SLC27A3: variants seen among roughly 807,000 people sequenced by gnomAD.
SLC27A3 encodes solute carrier family 27 member 3.
In SLC27A3, 60 loss-of-function variants were observed where a neutral mutation model predicts 60.1. The observed-to-expected ratio is 1.00, with a 90% confidence interval of 0.81 to 1.24. SLC27A3 has a LOEUF of 1.24. Ranked by LOEUF, SLC27A3 falls within the 50% of genes most tolerant of loss-of-function variation. The pLI is 0.00. For synonymous variants in SLC27A3, 455 were observed against 409.0 expected (o/e 1.11, Z -1.36); for missense variants, 1,079 against 929.9 (o/e 1.16, Z -2.09).
rs761040962 is a variant in SLC27A3, at chr1:153,778,894, C to G, written c.1646+9C>G. 2 of 1,613,160 alleles carry G rather than the reference C, an allele frequency of 1.2e-6. No homozygotes were observed. Among genetic ancestry groups the G allele is most frequent in the African/African-American group, 2.7e-5 (2 of 74,888 alleles). ...ACTGGAGACACCTTCAGGTATCTGT[C>G]CATAACTGGTTTTTCATCCTGGACA... On this transcript the variant is annotated intron_variant, in intron 7 of 9. Coordinates refer to ENST00000624995, the MANE Select transcript of SLC27A3 (RefSeq NM_024330.4).
intron 3 of SLC27A3, chr1:153,777,481 G>A (rs2101845943): frequency 1.6e-6 from 1 of 614,914 alleles, no homozygotes; most frequent in South Asian, 2.0e-5. Context: ...GAACAGGCAA[G>A]TAAGAGAAGA....
rs113951222 is a variant in SLC27A3 at position 153,779,557 on chromosome 1, G to C, written c.1875+84G>C. The C allele has an allele frequency of 1.6e-3, 2,428 of 1,480,572 alleles. 27 individuals are homozygous for C. The African/African-American group carries it at 0.023, about 14-fold the overall frequency. The allele number at this position is 1,480,572 out of a possible 1,614,324, so 91.7% of individuals were successfully genotyped here. A position where few individuals can be genotyped will look rare whatever the true frequency, so the allele number is the denominator to read the frequency against. ...ACCCCGTGTATCAACTTAGGAGTTT[G>C]ATGGCTCCCAAACTCCACAAAGGGA... On this transcript the variant is annotated intron_variant, in intron 9 of 9. Coordinates refer to ENST00000624995, the MANE Select transcript of SLC27A3 (RefSeq NM_024330.4).
chr1:153,779,498 C>T (rs372403946), intron 9 of SLC27A3, 25 bp downstream of exon 9: 85 of 1,604,698 alleles, frequency 5.3e-5, no homozygotes, highest in Non-Finnish European at 6.8e-5. Flanking sequence ...CCCCCGCCGG[C>T]CCCTCACCCC....
chr1:153,777,255 C>G (rs1673280191), intron 3 of SLC27A3, 35 bp downstream of exon 3: 1 of 1,611,018 alleles, frequency 6.2e-7, no homozygotes, highest in Admixed American at 1.7e-5. Context: ...ATTAATTCAT[C>G]CAGTAGACAT....
chr1:153,780,036 C>G lies in SLC27A3; in HGVS notation c.*34C>G. The G allele has an allele frequency of 6.3e-7, 1 of 1,582,442 alleles. No individual in the cohort carries two copies. The highest frequency in any genetic ancestry group is 2.3e-5 in the East Asian group (1 of 43,292). On this transcript the variant is annotated 3_prime_UTR_variant, in exon 10 of 10. Coordinates refer to ENST00000624995, the MANE Select transcript of SLC27A3 (RefSeq NM_024330.4). ...ACACCTGAGGCACCTGAGAGAGGAA[C>G]TCTGTGGGGTGGGGGCCGTTGCAGG...
In SLC27A3 at chr1:153,778,536, G is replaced by A. The variant is rs756909719; in HGVS notation, c.1430G>A (p.Cys477Tyr). The A allele has an allele frequency of 2.5e-6, 4 of 1,614,150 alleles. No homozygotes were observed. Among genetic ancestry groups the A allele is most frequent in the Non-Finnish European group, 2.5e-6 (3 of 1,179,996 alleles). Residue 477 changes from cysteine to tyrosine, a missense_variant, in exon 6 of 10, where the codon TGT becomes TAT. Coordinates refer to ENST00000624995, the MANE Select transcript of SLC27A3 (RefSeq NM_024330.4). ...CCAATTCGGGACCCCCAGGGGCACT[G>A]TATGGCCACATCTCCAGGTTGGTGG... is the stretch of plus-strand genomic sequence containing the variant. Reference protein sequence around the residue: ...GEPIRDPQGHCMATSPGEPGL... With the variant: ...GEPIRDPQGHYMATSPGEPGL...
At chr1:153,778,433 G>A in intron 5 of SLC27A3, 30 bp from the exon 6 acceptor site, 2 of 1,613,200 alleles carry the variant, frequency 1.2e-6, no homozygotes, top group East Asian at 2.2e-5. Context: ...TGACTGCAAT[G>A]ATCCAGTACC....
intron 4 of SLC27A3, 64 bp from the exon 5 acceptor site, chr1:153,778,097 G>C: frequency 6.5e-7 from 1 of 1,548,024 alleles, no homozygotes; most frequent in Non-Finnish European, 8.7e-7. Flanking sequence ...TGGGGAACAG[G>C]AATTCACTTC....
At position 153,778,567 on chromosome 1, in the gene SLC27A3, T is replaced by C. The variant is rs747395734; in HGVS notation, c.1447+14T>C. On this transcript the variant is annotated intron_variant, in intron 6 of 9. Transcript: ENST00000624995. ...CCACATCTCCAGGTTGGTGGTGTTC[T>C]GGTGGGGTGGGCGGGGTGCTGAAGC... The C allele has an allele frequency of 6.2e-7, 1 of 1,613,394 alleles. No homozygotes were observed. Among genetic ancestry groups the C allele is most frequent in the South Asian group, 1.1e-5 (1 of 91,068 alleles).
Position 153,780,095 on chromosome 1 carries a change from G to A in SLC27A3, c.*93G>A. ...GCTGTCAGGGATCTTTTCTATACCA[G>A]AACTGCGGTCACTATTTTGTAATAA... On this transcript the variant is annotated 3_prime_UTR_variant, in exon 10 of 10. Coordinates refer to ENST00000624995, the MANE Select transcript of SLC27A3 (RefSeq NM_024330.4). 11 of 1,115,884 alleles carry A rather than the reference G, an allele frequency of 9.9e-6. No individual in the cohort carries two copies. Among genetic ancestry groups the A allele is most frequent in the Non-Finnish European group, 1.3e-5 (10 of 785,960 alleles). The allele number at this position is 1,115,884 out of a possible 1,614,324, so 69.1% of individuals were successfully genotyped here.
Position 153,775,464 on chromosome 1 carries a change from G to A in SLC27A3, c.-34G>A, listed in dbSNP as rs1229494073. ...GATCAGGGATGTTTGCGAGCGGCTG[G>A]AACCAGACGGTGCCGATAGAGGAAG... On this transcript the variant is annotated 5_prime_UTR_variant, in exon 1 of 10. The change creates a premature stop within an existing upstream ORF in the 5' untranslated region. Coordinates refer to ENST00000624995, the MANE Select transcript of SLC27A3 (RefSeq NM_024330.4). 8.1e-6 allele frequency: 13 copies of A among 1,612,814 alleles called. No individual in the cohort carries two copies. The highest frequency in any genetic ancestry group is 1.7e-5 in the Admixed American group (1 of 60,016).
rs768550208 is a variant in SLC27A3, at chr1:153,778,812, A to C, written c.1573A>C (p.Asn525His). ...CTTCCGGCCTGGGGATGTTTTCTTCAACACTGGGGACCTGCTGGTCTGCGA... is the reference window on the plus strand; with the variant it reads ...CTTCCGGCCTGGGGATGTTTTCTTCCACACTGGGGACCTGCTGGTCTGCGA... Reference protein sequence around the residue: ...DVFRPGDVFFNTGDLLVCDDQ... With the variant: ...DVFRPGDVFFHTGDLLVCDDQ... The change falls in exon 7 of 10, where the codon AAC becomes CAC. Residue 525 changes from asparagine to histidine, a missense_variant. Transcript: ENST00000624995. 8.7e-6 allele frequency: 14 copies of C among 1,614,128 alleles called. No individual in the cohort carries two copies. The African/African-American group carries it at 1.7e-4, about 20-fold the overall frequency.
In SLC27A3 at chr1:153,775,951, G is replaced by A. The variant is rs1321808745; in HGVS notation, c.454G>A (p.Asp152Asn). 1 of 1,447,710 alleles carries A rather than the reference G, an allele frequency of 6.9e-7. No homozygotes were observed. The highest frequency in any genetic ancestry group is 2.7e-5 in the East Asian group (1 of 37,324). The allele number at this position is 1,447,710 out of a possible 1,614,324, so 89.7% of individuals were successfully genotyped here. A position where few individuals can be genotyped will look rare whatever the true frequency, so the allele number is the denominator to read the frequency against. Residue 152 changes from aspartate to asparagine, a missense_variant, in exon 1 of 10, where the codon GAC becomes AAC. Physicochemically the swap from Asp to Asn is conservative, Grantham distance 23 (BLOSUM62 1). Coordinates refer to ENST00000624995, the MANE Select transcript of SLC27A3 (RefSeq NM_024330.4). ...AAGCGGCGCGGAGTTTGCCGGAGGG[G>A]ACGGTGCCGCCAGAGGTGGAGGAGC... ...AGSGAEFAGG[D>N]GAARGGGAAA...
Position 153,778,472 on chromosome 1 carries a change from C to T in SLC27A3, c.1366C>T (p.Pro456Ser), listed in dbSNP as rs150289679. Reference protein sequence around the residue: ...RASWLYKHIFPFSLIRYDVTT... With the variant: ...RASWLYKHIFSFSLIRYDVTT... ...GTCTCCCTTTCCCCAGCATATCTTC[C>T]CCTTCTCCTTGATTCGCTATGATGT... The change falls in exon 6 of 10, where the codon CCC (proline) becomes TCC (serine). Residue 456 changes from proline to serine, a missense_variant. Coordinates refer to ENST00000624995, the MANE Select transcript of SLC27A3 (RefSeq NM_024330.4). The T allele has an allele frequency of 1.1e-5, 17 of 1,614,188 alleles. No homozygotes were observed. The African/African-American group carries it at 1.7e-4, about 16-fold the overall frequency.
Position 153,778,483 on chromosome 1 carries a change from G to C in SLC27A3, c.1377G>C (p.Leu459Phe), listed in dbSNP as rs1336584051. The C allele has an allele frequency of 1.2e-6, 2 of 1,614,220 alleles. No homozygotes were observed. Among genetic ancestry groups the C allele is most frequent in the South Asian group, 2.2e-5 (2 of 91,084 alleles). The change falls in exon 6 of 10, where the codon TTG becomes TTC. Residue 459 changes from leucine to phenylalanine, a missense_variant. Leu to Phe is a conservative substitution (Grantham distance 22, BLOSUM62 0). Transcript: ENST00000624995. ...WLYKHIFPFS[L>F]IRYDVTTGEP... The stretch of plus-strand genomic sequence containing the variant: ...CCCAGCATATCTTCCCCTTCTCCTT[G>C]ATTCGCTATGATGTCACCACAGGAG...
rs1673230688 is a variant in SLC27A3 at position 153,776,498 on chromosome 1, G to C, written c.668-20G>C. 1 of 1,607,352 alleles carries C rather than the reference G, an allele frequency of 6.2e-7. No individual in the cohort carries two copies. Among genetic ancestry groups the C allele is most frequent in the South Asian group, 1.1e-5 (1 of 90,804 alleles). ...TAGGTAGAGCCAGGGCCCCGGCGTT[G>C]TGCTTTCCCACCCTTCTAGAGTTTC... On this transcript the variant is annotated intron_variant, in intron 1 of 9. Transcript: ENST00000624995.
Position 153,779,325 on chromosome 1 carries a change from GTC to G in SLC27A3, c.1745-15_1745-14del, listed in dbSNP as rs759625509. On this transcript the variant is annotated splice_polypyrimidine_tract_variant and intron_variant, in intron 8 of 9. Transcript: ENST00000624995. ...GGTCAGCCATGGAGGGGCTTACTCT[GTC>G]TCCCACACCCACCAGGGCATGAAGG... The G allele has an allele frequency of 4.0e-6, 6 of 1,491,344 alleles. No individual in the cohort carries two copies. Among genetic ancestry groups the G allele is most frequent in the Admixed American group, 1.7e-5 (1 of 57,740 alleles). 92.4% of individuals were successfully genotyped at this position (1,491,344 alleles called of 1,614,324 possible).
At chr1:153,779,511 A>ATATC in intron 9 of SLC27A3, 38 bp downstream of exon 9, 1 of 1,598,484 alleles carries the variant, frequency 6.3e-7, no homozygotes, top group Non-Finnish European at 8.5e-7. Context: ...CTCACCCCAT[A>ATATC]TATCCTCACC....
In SLC27A3 at chr1:153,777,743, C is replaced by T; in HGVS notation, c.1037-18C>T. The stretch of plus-strand genomic sequence containing the variant: ...CCTAATCTTACCTCCCTTCTTCCCC[C>T]CTGCCCACTTCTGGCAGGGGCCACA... On this transcript the variant is annotated intron_variant, in intron 3 of 9. Transcript: ENST00000624995. The T allele has an allele frequency of 6.2e-7, 1 of 1,614,064 alleles. No individual in the cohort carries two copies. Among genetic ancestry groups the T allele is most frequent in the South Asian group, 1.1e-5 (1 of 91,084 alleles).
Sources: gnomAD v4.1 joint callset for allele counts on GRCh38, gnomAD v4.1.1 for gene constraint, MANE v1.5 for transcripts, NCBI Gene and HGNC (gene_info 2026-07-23, HGNC 2026-07-21) for gene names.